HACD3: variants seen among roughly 807,000 people sequenced by gnomAD.
The protein encoded by HACD3 is very-long-chain (3R)-3-hydroxyacyl-CoA dehydratase 3.
In HACD3, 30 loss-of-function variants were observed where a neutral mutation model predicts 55.2. The ratio of observed to expected loss-of-function variants is 0.54; its 90% CI spans 0.41 to 0.74. The LOEUF is 0.74. HACD3 is among the 30% of genes least tolerant of loss of function. The pLI is 0.00. For missense variants in HACD3, 363 were observed against 440.1 expected (o/e 0.82, Z 1.57); for synonymous variants, 141 against 151.7 (o/e 0.93, Z 0.52).
In HACD3 at chr15:65,562,854, C is replaced by T. The variant is rs2072257377; in HGVS notation, c.502C>T (p.Leu168=). 5 of 1,613,864 alleles carry T rather than the reference C, an allele frequency of 3.1e-6. No individual in the cohort carries two copies. The highest frequency in any genetic ancestry group is 1.1e-5 in the South Asian group (1 of 91,070). The stretch of plus-strand genomic sequence containing the variant: ...GGGATTCTCCTGGATCTTTGTCAAC[C>T]TGACTGTGCGATTCTGTATCTTGGG... The part of the protein sequence containing the change: ...FLGFSWIFVN[L]TVRFCILGKE... Residue 168 remains leucine, a synonymous_variant, in exon 6 of 11, where the codon CTG becomes TTG. Coordinates refer to ENST00000261875, the MANE Select transcript of HACD3 (RefSeq NM_016395.4).
intron 1 of HACD3, among the ~76,000 whole-genome samples, chr15:65,532,075 CAG>C (rs2071906562): frequency 1.3e-5 from 2 of 152,072 alleles, no homozygotes; most frequent in African/African-American, 2.4e-5. Flanking sequence ...GGAATATAAA[CAG>C]TTTTCCTGTT....
intron 1 of HACD3, among the ~76,000 whole-genome samples, chr15:65,542,832 T>C (rs1271219094): frequency 1.3e-5 from 2 of 151,484 alleles, no homozygotes; most frequent in Non-Finnish European, 2.9e-5. Flanking sequence ...TCTCAGCACT[T>C]TGGGAGGCTG....
At chr15:65,541,636 T>C (rs943703801) in intron 1 of HACD3, among the ~76,000 whole-genome samples, 1 of 152,218 alleles carries the variant, frequency 6.6e-6, no homozygotes. Context: ...TATTTTGTGG[T>C]TGGCATAGTG....
chr15:65,557,082 G>A (rs1010101018), intron 4 of HACD3, among the ~76,000 whole-genome samples, 179 bp downstream of exon 4: 8 of 152,174 alleles, frequency 5.3e-5, no homozygotes, highest in African/African-American at 9.7e-5. Context: ...ACTTTCCTTC[G>A]GTTGAAATCT....
intron 1 of HACD3, among the ~76,000 whole-genome samples, chr15:65,549,680 C>T (rs952282183): frequency 2.6e-5 from 4 of 151,838 alleles, no homozygotes; most frequent in East Asian, 3.9e-4. Context: ...CTCCATAAAC[C>T]GTATTTCAGA....
intron 1 of HACD3, among the ~76,000 whole-genome samples, chr15:65,548,795 G>A (rs988359591): frequency 6.6e-6 from 1 of 152,012 alleles, no homozygotes; most frequent in East Asian, 1.9e-4. Context: ...TGAACTCCTG[G>A]GCTCAAGTGA....
chr15:65,545,821 C>A (rs1050427703), intron 1 of HACD3, among the ~76,000 whole-genome samples: 9 of 152,104 alleles, frequency 5.9e-5, no homozygotes, highest in Non-Finnish European at 1.2e-4. Context: ...CATCAAAATT[C>A]GCAATTTATT....
chr15:65,562,405 CTG>C (rs141382256), intron 5 of HACD3, among the ~76,000 whole-genome samples: 7,311 of 152,306 alleles, frequency 0.048, 597 homozygotes, highest in African/African-American at 0.17. Flanking sequence ...TAACAAAAAA[CTG>C]TAACAAGGGC....
chr15:65,571,688 G>T (rs2072349840), intron 9 of HACD3, 34 bp downstream of exon 9: 1 of 1,513,476 alleles, frequency 6.6e-7, no homozygotes, highest in African/African-American at 1.4e-5. Context: ...TCATAGCTTA[G>T]CTCCAGGGGG....
At chr15:65,572,990 A>G (rs1340251062) in intron 10 of HACD3, among the ~76,000 whole-genome samples, 1 of 151,090 alleles carries the variant, frequency 6.6e-6, no homozygotes, top group Non-Finnish European at 1.5e-5. Context: ...ATAGACTAAG[A>G]AGCTCCCACT....
At chr15:65,569,140 C>T (rs866904817) in intron 7 of HACD3, among the ~76,000 whole-genome samples, 1 of 150,552 alleles carries the variant, frequency 6.6e-6, no homozygotes. Flanking sequence ...CCCAGCTACT[C>T]GGGAGGCTGA....
At chr15:65,554,774 C>CAAAA in intron 2 of HACD3, 113 bp from the exon 3 acceptor site, 4 of 575,770 alleles carry the variant, frequency 6.9e-6, no homozygotes, top group Non-Finnish European at 1.2e-5. Flanking sequence ...GACTCTGTCT[C>CAAAA]AAAAAAAAAA....
At chr15:65,538,941 T>G (rs2071991108) in intron 1 of HACD3, among the ~76,000 whole-genome samples, 1 of 152,226 alleles carries the variant, frequency 6.6e-6, no homozygotes, top group South Asian at 2.1e-4. Flanking sequence ...AGTTAAGGTA[T>G]GTACACTGTT....
At chr15:65,570,065 T>C in intron 7 of HACD3, 26 bp from the exon 8 acceptor site, 1 of 1,435,766 alleles carries the variant, frequency 7.0e-7, no homozygotes, top group Non-Finnish European at 9.6e-7. Context: ...ATTAACTTTT[T>C]TCTCTCTTTT....
intron 1 of HACD3, among the ~76,000 whole-genome samples, chr15:65,545,453 G>A (rs1288467123): frequency 1.3e-5 from 2 of 151,652 alleles, no homozygotes; most frequent in Non-Finnish European, 2.9e-5. Flanking sequence ...ATTGGATCCT[G>A]GATTTTTTTT....
chr15:65,560,252 T>G (rs181182193), intron 5 of HACD3, among the ~76,000 whole-genome samples: 1 of 152,304 alleles, frequency 6.6e-6, no homozygotes, highest in East Asian at 1.9e-4. Flanking sequence ...AGAATATCTG[T>G]AGCCTAGGAA....
chr15:65,570,225 G>T (rs765360589), intron 8 of HACD3, 22 bp downstream of exon 8: 2 of 1,494,564 alleles, frequency 1.3e-6, no homozygotes, highest in South Asian at 1.1e-5. Flanking sequence ...TGCCAGGATG[G>T]TGTTTGAATG....
intron 1 of HACD3, among the ~76,000 whole-genome samples, chr15:65,540,927 A>T (rs1006768270): frequency 6.6e-6 from 1 of 152,154 alleles, no homozygotes; most frequent in African/African-American, 2.4e-5. Flanking sequence ...AGCCATGGAC[A>T]CATTTGAGAT....
chr15:65,557,503 G>C (rs533197308), intron 4 of HACD3, among the ~76,000 whole-genome samples: 1 of 151,584 alleles, frequency 6.6e-6, no homozygotes, highest in Non-Finnish European at 1.5e-5. Flanking sequence ...TACTGTCAAC[G>C]TGACACATCA....
Sources: allele counts gnomAD v4.1 joint callset (sites outside exome capture counted in the v4.1 genomes callset), GRCh38; gene constraint gnomAD v4.1.1; transcripts MANE v1.5; gene names NCBI Gene and HGNC (gene_info 2026-07-23, HGNC 2026-07-21).